Variants in PCDHGB2 observed in about 807,000 individuals in gnomAD.
PCDHGB2 encodes the protein protocadherin gamma subfamily B, 2.
A neutral mutation model predicts 59.3 loss-of-function variants in PCDHGB2; 55 were observed. That is an observed-to-expected ratio of 0.93 (90% CI 0.75 to 1.16). PCDHGB2 has a LOEUF of 1.16. Ranked by LOEUF, PCDHGB2 falls within the 50% of genes most tolerant of loss-of-function variation. PCDHGB2 has a pLI of 0.00. For missense variants in PCDHGB2, 1,228 were observed against 1,198.5 expected (o/e 1.02, Z -0.36); for synonymous variants, 516 against 512.0 (o/e 1.01, Z -0.11).
intron 1 of PCDHGB2, among the ~76,000 whole-genome samples, chr5:141,475,620 G>A (rs2154572702): frequency 6.6e-6 from 1 of 152,238 alleles, no homozygotes; most frequent in Admixed American, 6.5e-5. Flanking sequence ...TTTTCGGTTT[G>A]GTTCGATCCC....
chr5:141,447,360 A>G (rs1471046883), intron 1 of PCDHGB2, among the ~76,000 whole-genome samples: 1 of 151,914 alleles, frequency 6.6e-6, no homozygotes, highest in Non-Finnish European at 1.5e-5. Context: ...GCTGGTCTCA[A>G]ACTCCTGACC....
At chr5:141,393,377 AGC>A (rs1313389663) in intron 1 of PCDHGB2, 1 of 1,613,966 alleles carries the variant, frequency 6.2e-7, no homozygotes, top group Admixed American at 1.7e-5. Context: ...GAGACAATGG[AGC>A]CATAAACCCA....
intron 1 of PCDHGB2, chr5:141,430,974 C>G: frequency 6.2e-7 from 1 of 1,613,072 alleles, no homozygotes; most frequent in East Asian, 2.2e-5. Flanking sequence ...AGAGGTAGGA[C>G]GCAGCTTTTC....
intron 1 of PCDHGB2, chr5:141,429,173 C>CA (rs1561839883): frequency 7.9e-6 from 1 of 125,872 alleles, no homozygotes; most frequent in Non-Finnish European, 1.7e-5. Flanking sequence ...TGTTTATACA[C>CA]ACACACACAC....
intron 1 of PCDHGB2, chr5:141,389,158 G>C (rs774342496): frequency 5.6e-6 from 9 of 1,613,968 alleles, no homozygotes; most frequent in Non-Finnish European, 7.6e-6. Context: ...GCAACAGATC[G>C]GGGCAAGCCT....
Position 141,476,416 on chromosome 5 carries a change from A to G in PCDHGB2, c.2422-18391A>G. On this transcript the variant is annotated intron_variant, in intron 1 of 3. Coordinates refer to ENST00000522605, the MANE Select transcript of PCDHGB2 (RefSeq NM_018923.3). The surrounding 1 kb of genome is among the most constrained non-coding windows in gnomAD (Gnocchi z 7.6). ...TGGATCGAGAGGAGCTGTGTGGGAC[A>G]CTGCCCTCTTGCACTGTAACTCTGG... 1 of 1,614,056 alleles carries G rather than the reference A, an allele frequency of 6.2e-7. No individual in the cohort carries two copies. The highest frequency in any genetic ancestry group is 8.5e-7 in the Non-Finnish European group (1 of 1,179,994).
At chr5:141,488,578 G>A (rs1286219713) in intron 1 of PCDHGB2, among the ~76,000 whole-genome samples, 2 of 152,178 alleles carry the variant, frequency 1.3e-5, no homozygotes, top group Non-Finnish European at 2.9e-5. Flanking sequence ...AGCATTGCTG[G>A]AGAGTCAGGG....
chr5:141,395,556 G>A (rs1041230837), intron 1 of PCDHGB2: 1 of 97,434 alleles, frequency 1.0e-5, no homozygotes, highest in East Asian at 1.8e-4. Context: ...GTGTGTGTGT[G>A]TGTGTGTGTG....
intron 1 of PCDHGB2, chr5:141,408,411 C>T (rs2095101928): frequency 1.2e-6 from 2 of 1,614,034 alleles, no homozygotes; most frequent in African/African-American, 1.3e-5. Context: ...CGAGTGAGCG[C>T]GGAGAAGCTG....
At chr5:141,481,318 A>C (rs758947998) in intron 1 of PCDHGB2, among the ~76,000 whole-genome samples, 6 of 152,216 alleles carry the variant, frequency 3.9e-5, no homozygotes, top group Non-Finnish European at 8.8e-5. Context: ...TTCCTAAAGC[A>C]CTAGCCCCTG....
intron 1 of PCDHGB2, chr5:141,408,283 C>G (rs62378453): frequency 0.09 from 144,952 of 1,612,732 alleles, 7,152 homozygotes; most frequent in African/African-American, 0.18. Flanking sequence ...TGTTCTACCC[C>G]ACCCTGAGTG....
chr5:141,374,652 A>G, intron 1 of PCDHGB2: 1 of 1,612,302 alleles, frequency 6.2e-7, no homozygotes, highest in Non-Finnish European at 8.5e-7. Context: ...CATGGGCCCA[A>G]GTACCCGGAG....
intron 1 of PCDHGB2, chr5:141,427,957 C>G (rs770633827): frequency 1.3e-5 from 20 of 1,588,284 alleles, no homozygotes; most frequent in African/African-American, 2.7e-5. Flanking sequence ...GACAATGTGC[C>G]GCGGGTGCTG....
intron 1 of PCDHGB2, chr5:141,385,154 C>A (rs761681846): frequency 6.2e-7 from 1 of 1,614,208 alleles, no homozygotes; most frequent in Admixed American, 1.7e-5. Context: ...TTCCTGCAGA[C>A]CTATTCCCAT....
At position 141,383,174 on chromosome 5, in the gene PCDHGB2, G is replaced by C. The variant is rs771829169; in HGVS notation, c.2421+20618G>C. The C allele has an allele frequency of 1.1e-5, 18 of 1,613,966 alleles. No individual in the cohort carries two copies. Among genetic ancestry groups the C allele is most frequent in the Non-Finnish European group, 1.3e-5 (15 of 1,179,984 alleles). On this transcript the variant is annotated intron_variant, in intron 1 of 3. Coordinates refer to ENST00000522605, the MANE Select transcript of PCDHGB2 (RefSeq NM_018923.3). ...TTGGTCACTGCGGGCAGGATAGACC[G>C]GGAAGAGATCTGCGCTCAGAGTGCG...
intron 3 of PCDHGB2, among the ~76,000 whole-genome samples, chr5:141,510,531 T>C (rs1459536719): frequency 6.6e-6 from 1 of 152,078 alleles, no homozygotes; most frequent in Non-Finnish European, 1.5e-5. Context: ...CTGAGAGAAA[T>C]ACCAGCGAAT....
rs1425295626 is a variant in PCDHGB2 at position 141,477,940 on chromosome 5, C to T, written c.2422-16867C>T. On this transcript the variant is annotated intron_variant, in intron 1 of 3. Coordinates refer to ENST00000522605, the MANE Select transcript of PCDHGB2 (RefSeq NM_018923.3). This position sits in a 1 kb window ranked among gnomAD's most constrained non-coding sequence, Gnocchi z 4.9. ...CAGGGCACAATGCCTGGCTCTCCTA[C>T]AGTCTCTTGGGATCCCCTAACCAGA... The T allele has an allele frequency of 6.2e-7, 1 of 1,614,178 alleles. No homozygotes were observed. Among genetic ancestry groups the T allele is most frequent in the South Asian group, 1.1e-5 (1 of 91,084 alleles).
intron 1 of PCDHGB2, chr5:141,404,061 A>G (rs375910829): frequency 9.9e-6 from 16 of 1,613,906 alleles, no homozygotes; most frequent in African/African-American, 4.0e-5. Flanking sequence ...CTTCTTTTCA[A>G]TGCTCATGAC....
At chr5:141,370,393 G>T (rs1277471352) in intron 1 of PCDHGB2, 14 of 1,547,032 alleles carry the variant, frequency 9.0e-6, no homozygotes, top group Non-Finnish European at 1.2e-5. Context: ...GCAGAGAGCG[G>T]GATGGGAAAT....
Sources: gnomAD v4.1 joint callset for allele counts (sites outside exome capture counted in the v4.1 genomes callset) on GRCh38, gnomAD v4.1.1 for gene constraint, Gnocchi (gnomAD v3.1) non-coding constraint, MANE v1.5 for transcripts, NCBI Gene and HGNC (gene_info 2026-07-23, HGNC 2026-07-21) for gene names.